The following EVC2 variants were observed in gnomAD, a reference collection of about 807,000 sequenced individuals.
The protein encoded by EVC2 is EvC ciliary complex subunit 2.
Under a neutral mutation model 149.3 loss-of-function variants are expected in EVC2, and 148 were observed. The observed-to-expected ratio is 0.99, with a 90% CI of 0.87 to 1.14. The LOEUF (loss-of-function observed/expected upper bound fraction) is 1.14. Among genes scored for constraint, EVC2 ranks in the 50% most tolerant of loss-of-function variants. EVC2 has a pLI of 0.00. For missense variants in EVC2, 1,854 were observed against 1,627.3 expected, an observed-to-expected ratio of 1.14 and a Z score of -2.40; for synonymous variants, 776 against 649.9, an observed-to-expected ratio of 1.19 and a Z score of -2.95.
At chr4:5,675,620 T>G (rs1719932339) in intron 7 of EVC2, among the ~76,000 whole-genome samples, 1 of 152,204 alleles carries the variant, frequency 6.6e-6, no homozygotes, top group African/African-American at 2.4e-5. Flanking sequence ...ACTATGATTT[T>G]TTTTCACATC....
intron 4 of EVC2, among the ~76,000 whole-genome samples, chr4:5,689,730 G>A (rs1028297915): frequency 5.3e-5 from 8 of 152,260 alleles, no homozygotes; most frequent in African/African-American, 7.2e-5. Context: ...CCTCAGCCCA[G>A]GGTCTCTGAT....
At chr4:5,646,287 G>T (rs1465321848) in intron 9 of EVC2, among the ~76,000 whole-genome samples, 1 of 152,082 alleles carries the variant, frequency 6.6e-6, no homozygotes, top group Non-Finnish European at 1.5e-5. Flanking sequence ...GTATCTCATT[G>T]TGGTTTTGAT....
intron 19 of EVC2, among the ~76,000 whole-genome samples, chr4:5,572,855 G>A (rs1456672863): frequency 6.6e-6 from 1 of 152,148 alleles, no homozygotes; most frequent in African/African-American, 2.4e-5. Flanking sequence ...AGAGACATAG[G>A]CCGGGGTGGT....
At chr4:5,579,365 C>T (rs1356832739) in intron 17 of EVC2, among the ~76,000 whole-genome samples, 1 of 152,124 alleles carries the variant, frequency 6.6e-6, no homozygotes, top group African/African-American at 2.4e-5. Context: ...AACACTTAGC[C>T]CACTGCTTTG....
At chr4:5,665,673 G>C in intron 7 of EVC2, 24 bp from the exon 8 acceptor site, 1 of 1,613,262 alleles carries the variant, frequency 6.2e-7, no homozygotes, top group African/African-American at 1.3e-5. Flanking sequence ...AGGAGAGCAG[G>C]ATTCATGTGT....
At chr4:5,543,313 C>A in intron 21 of EVC2, 2 of 580,236 alleles carry the variant, frequency 3.4e-6, no homozygotes, top group Admixed American at 2.8e-5. Flanking sequence ...ACTCCATAAA[C>A]ACACTCTTCC....
chr4:5,687,931 T>C (rs1434804489), intron 5 of EVC2, among the ~76,000 whole-genome samples: 2 of 152,160 alleles, frequency 1.3e-5, no homozygotes, highest in Admixed American at 6.5e-5. Context: ...AGCACTTCAA[T>C]AGCTTTGCAG....
In EVC2 at chr4:5,636,162, G is replaced by C. The variant is rs1027946733; in HGVS notation, c.1471-4130C>G. Among the ~76,000 whole-genome samples the C allele has an allele frequency of 5.3e-5, 8 of 152,132 alleles. No individual in the cohort carries two copies. Among genetic ancestry groups the C allele is most frequent in the African/African-American group, 1.7e-4 (7 of 41,436 alleles). ...GGGGAAAGGAGACCCAGGGTGACTG[G>C]GTAACGTGCCTACTGGAGGAAAAGA... On this transcript the variant is annotated intron_variant, in intron 10 of 21. Coordinates refer to ENST00000344408, the MANE Select transcript of EVC2 (RefSeq NM_147127.5). This position sits in a 1 kb window ranked among gnomAD's most constrained non-coding sequence, Gnocchi z 4.6.
Position 5,568,473 on chromosome 4 carries a change from T to C in EVC2, c.3528A>G (p.Gly1176=), listed in dbSNP as rs1560126699. The C allele has an allele frequency of 3.8e-6, 6 of 1,573,686 alleles. No individual in the cohort carries two copies. The African/African-American group carries it at 4.1e-5, about 11-fold the overall frequency. Residue 1176 remains glycine, a synonymous_variant, in exon 20 of 22, where the codon GGA becomes GGG. Transcript: ENST00000344408. ...HVDHAAESDG[G]AEQADVGRRR... Reference sequence around the variant, plus strand: ...GCCTGCCCACGTCGGCCTGCTCCGCTCCGCCATCGCTCTCAGCTGCGTGGT... The same window carrying C: ...GCCTGCCCACGTCGGCCTGCTCCGCCCCGCCATCGCTCTCAGCTGCGTGGT...
At chr4:5,589,120 G>A (rs1712559402) in intron 16 of EVC2, among the ~76,000 whole-genome samples, 5 of 152,284 alleles carry the variant, frequency 3.3e-5, no homozygotes, top group Admixed American at 1.3e-4. Context: ...ATATTTTTGT[G>A]TTTCTATAAT....
chr4:5,627,818 C>T (rs992537561), intron 12 of EVC2, among the ~76,000 whole-genome samples: 1 of 152,018 alleles, frequency 6.6e-6, no homozygotes, highest in East Asian at 1.9e-4. Context: ...AAGGTGAATG[C>T]GAGAGCCGGC....
rs1577158727 is a variant in EVC2, at chr4:5,614,346, G to A, written c.2829+1076C>T. 6.6e-6 allele frequency among the ~76,000 whole-genome samples: 1 copy of A among 152,252 alleles called. No homozygotes were observed. Among genetic ancestry groups the A allele is most frequent in the South Asian group, 2.1e-4 (1 of 4,820 alleles). ...GCCTCTACTGGAGAGCAGGGACCAG[G>A]GCTGCCTCAGTCACTGCTGCAACCC... is the stretch of plus-strand genomic sequence containing the variant. On this transcript the variant is annotated intron_variant, in intron 16 of 21. Transcript: ENST00000344408. The surrounding 1 kb of genome is among the most constrained non-coding windows in gnomAD (Gnocchi z 4.7).
intron 12 of EVC2, among the ~76,000 whole-genome samples, chr4:5,627,455 T>C (rs1254646905): frequency 6.6e-6 from 1 of 152,158 alleles, no homozygotes; most frequent in African/African-American, 2.4e-5. Flanking sequence ...GGGGAGTGTT[T>C]GCATAATTTG....
At chr4:5,588,027 A>G (rs1236324876) in intron 16 of EVC2, among the ~76,000 whole-genome samples, 3 of 152,170 alleles carry the variant, frequency 2.0e-5, no homozygotes, top group Non-Finnish European at 4.4e-5. Context: ...CTAGATTTCT[A>G]TCTGTTATGA....
chr4:5,688,172 T>C (rs1366291738), intron 5 of EVC2, among the ~76,000 whole-genome samples: 1 of 152,202 alleles, frequency 6.6e-6, no homozygotes, highest in African/African-American at 2.4e-5. Flanking sequence ...GGTCACTACT[T>C]GTGGGCAAGC....
At chr4:5,598,170 T>A (rs1713628833) in intron 16 of EVC2, among the ~76,000 whole-genome samples, 1 of 151,964 alleles carries the variant, frequency 6.6e-6, no homozygotes, top group African/African-American at 2.4e-5. Flanking sequence ...TTCAATGCCA[T>A]CCCCATCCAG....
intron 9 of EVC2, among the ~76,000 whole-genome samples, chr4:5,647,214 C>A (rs1717784912): frequency 6.6e-6 from 1 of 152,164 alleles, no homozygotes; most frequent in Admixed American, 6.5e-5. Context: ...TGCTGCAGCC[C>A]CTCAAGCCTT....
At chr4:5,645,219 C>T (rs1264436634) in intron 9 of EVC2, among the ~76,000 whole-genome samples, 1 of 151,452 alleles carries the variant, frequency 6.6e-6, no homozygotes, top group Non-Finnish European at 1.5e-5. Context: ...TTCCCATCAA[C>T]CGTGCATCTA....
At chr4:5,592,704 ATCT>A (rs1468166086) in intron 16 of EVC2, among the ~76,000 whole-genome samples, 3 of 152,212 alleles carry the variant, frequency 2.0e-5, no homozygotes, top group Non-Finnish European at 4.4e-5. Context: ...CTAGTATATC[ATCT>A]TCTAGGAACA....
Sources: gnomAD v4.1 joint callset for allele counts (sites outside exome capture counted in the v4.1 genomes callset) on GRCh38, gnomAD v4.1.1 for gene constraint, Gnocchi (gnomAD v3.1) non-coding constraint, MANE v1.5 for transcripts, NCBI Gene and HGNC (gene_info 2026-07-23, HGNC 2026-07-21) for gene names.